CAPZA1: variants seen among roughly 807,000 people sequenced by gnomAD.
The protein encoded by CAPZA1 is capping actin protein of muscle Z-line subunit alpha 1.
Under a neutral mutation model 40.8 loss-of-function variants are expected in CAPZA1, and 10 were observed. The ratio of observed to expected loss-of-function variants is 0.25; its 90% confidence interval spans 0.15 to 0.42. CAPZA1 has a LOEUF of 0.42. CAPZA1 is among the 10% of genes least tolerant of loss of function. The probability of loss-of-function intolerance (pLI) is 1.00; values close to 1 mark genes in which losing one functional copy is unlikely to be tolerated. For synonymous variants in CAPZA1, 98 were observed against 115.0 expected (o/e 0.85, Z 0.95); for missense variants, 277 against 353.8 (o/e 0.78, Z 1.74).
At chr1:112,630,429 C>T (rs952130925) in intron 1 of CAPZA1, among the ~76,000 whole-genome samples, 4 of 152,178 alleles carry the variant, frequency 2.6e-5, no homozygotes, top group East Asian at 1.9e-4. Flanking sequence ...CTGCAACCTC[C>T]GTCCCCCAGG....
At chr1:112,654,783 C>G in intron 5 of CAPZA1, 112 bp downstream of exon 5, 2 of 618,126 alleles carry the variant, frequency 3.2e-6, no homozygotes, top group Non-Finnish European at 5.5e-6. Flanking sequence ...ATGCTCTCTT[C>G]TCCTCTGCAT....
chr1:112,667,245 T>A, intron 8 of CAPZA1, 100 bp downstream of exon 8: 2 of 844,406 alleles, frequency 2.4e-6, no homozygotes, highest in Admixed American at 4.8e-5. Context: ...AGAAATTCAG[T>A]TTGCTTTTAA....
At chr1:112,658,945 C>T in intron 5 of CAPZA1, 77 bp from the exon 6 acceptor site, 1 of 1,065,310 alleles carries the variant, frequency 9.4e-7, no homozygotes, top group Non-Finnish European at 1.5e-6. Context: ...GGATTTAACA[C>T]TCTGCTTTTG....
At chr1:112,632,721 G>C (rs896363790) in intron 1 of CAPZA1, among the ~76,000 whole-genome samples, 2 of 152,182 alleles carry the variant, frequency 1.3e-5, no homozygotes, top group African/African-American at 2.4e-5. Context: ...TTATTCCCTA[G>C]AGTTTGTAGA....
intron 5 of CAPZA1, 137 bp downstream of exon 5, chr1:112,654,808 C>A: frequency 1.9e-6 from 1 of 535,070 alleles, no homozygotes; most frequent in Non-Finnish European, 3.2e-6. Flanking sequence ...TTCCCTAAAT[C>A]ATTTTGGAAA....
intron 7 of CAPZA1, among the ~76,000 whole-genome samples, chr1:112,662,332 T>C (rs1441975464): frequency 6.6e-6 from 1 of 152,006 alleles, no homozygotes; most frequent in Non-Finnish European, 1.5e-5. Context: ...GCTGGGTTAA[T>C]TTCTAAAAAT....
intron 2 of CAPZA1, among the ~76,000 whole-genome samples, chr1:112,648,196 TAGA>T (rs1311311461): frequency 6.6e-6 from 1 of 152,134 alleles, no homozygotes; most frequent in African/African-American, 2.4e-5. Flanking sequence ...TAAGATATAA[TAGA>T]AGTAAATCAA....
intron 7 of CAPZA1, 38 bp downstream of exon 7, chr1:112,659,817 A>G: frequency 1.3e-6 from 2 of 1,507,014 alleles, no homozygotes; most frequent in Non-Finnish European, 1.8e-6. Flanking sequence ...AAAACTTCAC[A>G]TCTTTAAAAC....
At chr1:112,653,285 G>A (rs549027226) in intron 3 of CAPZA1, among the ~76,000 whole-genome samples, 1 of 152,292 alleles carries the variant, frequency 6.6e-6, no homozygotes, top group Middle Eastern at 3.4e-3. Context: ...GCAACGTAGT[G>A]AGACTCTATC....
intron 3 of CAPZA1, 136 bp from the exon 4 acceptor site, chr1:112,653,462 A>C: frequency 1.6e-6 from 1 of 614,924 alleles, no homozygotes; most frequent in South Asian, 2.1e-5. Context: ...TCTGGGGAGA[A>C]GGGAAAAGTA....
intron 1 of CAPZA1, among the ~76,000 whole-genome samples, chr1:112,639,017 A>G (rs899642112): frequency 6.8e-6 from 1 of 147,390 alleles, no homozygotes; most frequent in African/African-American, 2.5e-5. Flanking sequence ...TAATTTTAAT[A>G]TAATTATATG....
rs145898509 is a variant in CAPZA1, at chr1:112,659,708, C to A, written c.514C>A (p.Arg172Ser). The change falls in exon 7 of 10, where the codon CGT becomes AGT. Residue 172 changes from arginine (R) to serine (S), a missense_variant. Arg to Ser is a moderately radical substitution (Grantham distance 110). This residue lies in a region of CAPZA1 where 192 missense variants were observed against 277.2 expected (regional missense o/e 0.69). Transcript: ENST00000263168. ...QFQPKNFWNG[R>S]WRSEWKFTIT... ...GTGTGTGTGTTTTAATAGGAATGGT[C>A]GTTGGAGATCAGAGTGGAAGTTCAC... The A allele has an allele frequency of 2.5e-6, 4 of 1,611,898 alleles. No individual in the cohort carries two copies. The highest frequency in any genetic ancestry group is 1.3e-5 in the African/African-American group (1 of 74,630).
Position 112,654,683 on chromosome 1 carries a change from G to T in CAPZA1, c.426+12G>T. On this transcript the variant is annotated intron_variant, in intron 5 of 9. Transcript: ENST00000263168. ...ACGGCTTCTGTACTGTTAAGTATCT[G>T]ACTGCTTCGTTATCAGAGAGTGTTT... is the stretch of plus-strand genomic sequence containing the variant. 6.4e-7 allele frequency: 1 copy of T among 1,552,774 alleles called. No individual in the cohort carries two copies. Among genetic ancestry groups the T allele is most frequent in the South Asian group, 1.2e-5 (1 of 85,420 alleles).
intron 6 of CAPZA1, 144 bp downstream of exon 6, chr1:112,659,245 A>T: frequency 1.6e-6 from 1 of 634,612 alleles, no homozygotes; most frequent in Middle Eastern, 4.3e-4. Context: ...GATTCCTTAC[A>T]GTTCTAAGGT....
intron 1 of CAPZA1, 34 bp from the exon 2 acceptor site, chr1:112,647,176 A>G (rs754610121): frequency 9.0e-7 from 1 of 1,115,848 alleles, no homozygotes; most frequent in Admixed American, 2.4e-5. Flanking sequence ...TACTCTTCAT[A>G]ATTCTCCTAA....
chr1:112,660,099 G>A (rs1033879557), intron 7 of CAPZA1, among the ~76,000 whole-genome samples: 5 of 151,664 alleles, frequency 3.3e-5, no homozygotes, highest in Non-Finnish European at 5.9e-5. Context: ...TATTTTTTGG[G>A]ACAGAGTTTC....
rs1029018647 is a variant in CAPZA1 at position 112,630,611 on chromosome 1, G to A, written c.39+10728G>A. Among the ~76,000 whole-genome samples the A allele has an allele frequency of 1.1e-4, 17 of 152,212 alleles. No individual in the cohort carries two copies. The East Asian group carries it at 2.7e-3, about 24-fold the overall frequency. On this transcript the variant is annotated intron_variant, in intron 1 of 9. Transcript: ENST00000263168. ...ACCCACCTCGTCCTCCCTAAGTGCT[G>A]GGATTATAGAAGTGAGCCACTGCAC...
In CAPZA1 at chr1:112,659,891, G is replaced by C. The variant is rs1671570512; in HGVS notation, c.585+112G>C. ...TGTGTAGATGCAAAGGGAGACTGAT[G>C]GCAGTGAATAGAAATAGAAGCCTCC... On this transcript the variant is annotated intron_variant, in intron 7 of 9. Coordinates refer to ENST00000263168, the MANE Select transcript of CAPZA1 (RefSeq NM_006135.3). 3 of 739,682 alleles carry C rather than the reference G, an allele frequency of 4.1e-6. No homozygotes were observed. The South Asian group carries it at 4.9e-5, about 12-fold the overall frequency. 45.8% of individuals were successfully genotyped at this position (739,682 alleles called of 1,614,324 possible). A position where few individuals can be genotyped will look rare whatever the true frequency, so the allele number is the denominator to read the frequency against.
At chr1:112,660,631 A>G (rs1671587593) in intron 7 of CAPZA1, among the ~76,000 whole-genome samples, 1 of 152,126 alleles carries the variant, frequency 6.6e-6, no homozygotes, top group African/African-American at 2.4e-5. Context: ...GCTGAATAAG[A>G]TAGCTGTTAA....
Sources: gnomAD v4.1 joint callset for allele counts (sites outside exome capture counted in the v4.1 genomes callset) on GRCh38, gnomAD v4.1.1 for gene constraint, gnomAD v4.1.1 regional missense constraint, MANE v1.5 for transcripts, NCBI Gene and HGNC (gene_info 2026-07-23, HGNC 2026-07-21) for gene names.